The following TBC1D16 variants were observed in gnomAD, a reference collection of about 807,000 sequenced individuals.
TBC1D16 encodes CTD-2529O21.1.
A neutral mutation model predicts 74.7 loss-of-function variants in TBC1D16; 58 were observed. The observed-to-expected ratio is 0.78, with a 90% confidence interval of 0.63 to 0.97. The LOEUF (loss-of-function observed/expected upper bound fraction) is 0.97, where lower values mean the gene tolerates loss of function less well. Among genes scored for constraint, TBC1D16 ranks in the 50% least tolerant of loss-of-function variants. The pLI is 0.00. For missense variants in TBC1D16, 1,014 were observed against 1,079.5 expected, an observed-to-expected ratio of 0.94 and a Z score of 0.85; for synonymous variants, 493 against 474.7, an observed-to-expected ratio of 1.04 and a Z score of -0.50.
chr17:79,963,410 G>A (rs913914352), intron 3 of TBC1D16, among the ~76,000 whole-genome samples: 4 of 152,228 alleles, frequency 2.6e-5, no homozygotes, highest in South Asian at 2.1e-4. Context: ...ATGCCGTAGC[G>A]TGGGTCAGAA....
chr17:80,015,688 T>C (rs1304670104), intron 1 of TBC1D16, among the ~76,000 whole-genome samples: 2 of 152,050 alleles, frequency 1.3e-5, no homozygotes, highest in Non-Finnish European at 2.9e-5. Flanking sequence ...CCAAATGTGG[T>C]ACAGTGGAAT....
rs1680969503 is a variant in TBC1D16, at chr17:79,986,851, G to C, written c.779+23309C>G. ...GGGTGAACGAGAAGCCTGAGGCCGG[G>C]CCGGTGGGAGGGCGTGATGCATGGG... On this transcript the variant is annotated intron_variant, in intron 3 of 11. Transcript: ENST00000310924. This position sits in a 1 kb window ranked among gnomAD's most constrained non-coding sequence, Gnocchi z 6.0. Among the ~76,000 whole-genome samples, 1 of 152,252 alleles carries C rather than the reference G, an allele frequency of 6.6e-6. No individual in the cohort carries two copies. The highest frequency in any genetic ancestry group is 1.5e-5 in the Non-Finnish European group (1 of 68,044).
At position 79,950,972 on chromosome 17, in the gene TBC1D16, C is replaced by T; in HGVS notation, c.1090-394G>A. 1.1e-6 allele frequency: 1 copy of T among 923,668 alleles called. No homozygotes were observed. Among genetic ancestry groups the T allele is most frequent in the Non-Finnish European group, 1.6e-6 (1 of 640,004 alleles). 57.2% of individuals were successfully genotyped at this position (923,668 alleles called of 1,614,324 possible). A position where few individuals can be genotyped will look rare whatever the true frequency, so the allele number is the denominator to read the frequency against. ...GCAGGGAGCCAGCCTGTCAGATTGCCTCCGCGAGCAGTCACGAATCCAGGG... is the reference window on the plus strand; with the variant it reads ...GCAGGGAGCCAGCCTGTCAGATTGCTTCCGCGAGCAGTCACGAATCCAGGG... On this transcript the variant is annotated intron_variant, in intron 5 of 11. Coordinates refer to ENST00000310924, the MANE Select transcript of TBC1D16 (RefSeq NM_019020.4). This position sits in a 1 kb window ranked among gnomAD's most constrained non-coding sequence, Gnocchi z 4.6.
chr17:79,952,733 C>A lies in TBC1D16; in HGVS notation c.865G>T (p.Val289Leu). The A allele has an allele frequency of 6.2e-7, 1 of 1,612,330 alleles. No individual in the cohort carries two copies. Among genetic ancestry groups the A allele is most frequent in the Non-Finnish European group, 8.5e-7 (1 of 1,179,370 alleles). ...CCGCAAATCTGCTCCAGGGCGCACA[C>A]CCGCTGCGGCTCGTCCCAGCGTGGG... ...QTPRWDEPQR[V>L]CALEQICGVF... Residue 289 changes from valine (V) to leucine (L), a missense_variant, in exon 4 of 12, where the codon GTG becomes TTG. Physicochemically the swap from Val to Leu is conservative, Grantham distance 32. Transcript: ENST00000310924.
Position 79,987,954 on chromosome 17 carries a change from C to T in TBC1D16, c.779+22206G>A, listed in dbSNP as rs1376174832. Reference sequence around the variant, plus strand: ...CGGATTTTACGCCTGCATGAGATTTCGAGGGAAGAATCCTAAATGTGGGGA... The same window carrying T: ...CGGATTTTACGCCTGCATGAGATTTTGAGGGAAGAATCCTAAATGTGGGGA... On this transcript the variant is annotated intron_variant, in intron 3 of 11. Coordinates refer to ENST00000310924, the MANE Select transcript of TBC1D16 (RefSeq NM_019020.4). The surrounding 1 kb of genome is among the most constrained non-coding windows in gnomAD (Gnocchi z 5.2). 1.3e-5 allele frequency among the ~76,000 whole-genome samples: 2 copies of T among 151,650 alleles called. No individual in the cohort carries two copies. The highest frequency in any genetic ancestry group is 2.1e-4 in the South Asian group (1 of 4,808).
intron 3 of TBC1D16, among the ~76,000 whole-genome samples, chr17:79,962,201 ATTTTTT>A (rs563506473): frequency 9.8e-4 from 64 of 64,976 alleles, no homozygotes; most frequent in African/African-American, 3.5e-3. Flanking sequence ...ATCTCAACCT[ATTTTTT>A]TTTTTTTTTT....
rs1325572029 is a variant in TBC1D16, at chr17:79,952,231, C to CA, written c.941+425dup. 4 of 163,028 alleles carry CA rather than the reference C, an allele frequency of 2.5e-5. No homozygotes were observed. In the East Asian group the frequency reaches 7.1e-4, roughly 29 times the overall value. 10.1% of individuals were successfully genotyped at this position (163,028 alleles called of 1,614,324 possible). ...GAGGATCTGGTGTGGGGAATGACTG[C>CA]AGGAAACTAGGCATCGCCCACCCAT... On this transcript the variant is annotated intron_variant, in intron 4 of 11. Transcript: ENST00000310924.
intron 3 of TBC1D16, among the ~76,000 whole-genome samples, chr17:79,968,004 T>A (rs79927065): frequency 0.03 from 4,566 of 152,196 alleles, 82 homozygotes; most frequent in East Asian, 0.06. Context: ...CTTTAAAAAA[T>A]TTTTTTGAGA....
At chr17:79,953,498 A>C (rs2033180568) in intron 3 of TBC1D16, among the ~76,000 whole-genome samples, 1 of 152,220 alleles carries the variant, frequency 6.6e-6, no homozygotes. Context: ...CCCATTGTAA[A>C]GAAGAGGCAA....
At chr17:79,978,457 G>A (rs886502833) in intron 3 of TBC1D16, among the ~76,000 whole-genome samples, 1 of 152,226 alleles carries the variant, frequency 6.6e-6, no homozygotes, top group South Asian at 2.1e-4. Flanking sequence ...CCGTGGGGGC[G>A]GGGTGGGGGC....
rs1324573494 is a variant in TBC1D16 at position 79,988,917 on chromosome 17, G to A, written c.779+21243C>T. ...CCTCCCCAACCCGCACCTGCCCGCCGGCCCCAGGCCCTCCCTCAGGACCCA... is the reference window on the plus strand; with the variant it reads ...CCTCCCCAACCCGCACCTGCCCGCCAGCCCCAGGCCCTCCCTCAGGACCCA... On this transcript the variant is annotated intron_variant, in intron 3 of 11. Transcript: ENST00000310924. The surrounding 1 kb of genome is among the most constrained non-coding windows in gnomAD (Gnocchi z 5.7). 1.4e-4 allele frequency among the ~76,000 whole-genome samples: 21 copies of A among 152,130 alleles called. No individual in the cohort carries two copies. Among genetic ancestry groups the A allele is most frequent in the Non-Finnish European group, 2.8e-4 (19 of 68,024 alleles).
chr17:80,006,795 A>C (rs2035694866), intron 3 of TBC1D16, among the ~76,000 whole-genome samples: 1 of 151,784 alleles, frequency 6.6e-6, no homozygotes, highest in African/African-American at 2.4e-5. Context: ...AGTAGCTGGG[A>C]CCATAGGCAT....
Position 79,944,719 on chromosome 17 carries a change from T to C in TBC1D16, c.1908+189A>G, listed in dbSNP as rs1327780013. Among the ~76,000 whole-genome samples, 3 of 151,958 alleles carry C rather than the reference T, an allele frequency of 2.0e-5. No individual in the cohort carries two copies. Among genetic ancestry groups the C allele is most frequent in the Non-Finnish European group, 4.4e-5 (3 of 67,984 alleles). On this transcript the variant is annotated intron_variant, in intron 10 of 11. Coordinates refer to ENST00000310924, the MANE Select transcript of TBC1D16 (RefSeq NM_019020.4). This position sits in a 1 kb window ranked among gnomAD's most constrained non-coding sequence, Gnocchi z 7.7. ...AGCGGGCAATTTGCATCGATTTCAG[T>C]GACTGGGGAGGCGAGCTGTAAGGTC...
Position 80,035,716 on chromosome 17 carries a change from C to T in TBC1D16, c.-63+79G>A, listed in dbSNP as rs2143530200. ...GCCCCGCGCGCCCCCGCCCCAGCTC[C>T]GCCGAGGGGGCGCTGCTCGCTGCGC... On this transcript the variant is annotated intron_variant, in intron 1 of 11. Transcript: ENST00000310924. This position sits in a 1 kb window ranked among gnomAD's most constrained non-coding sequence, Gnocchi z 5.3. The T allele has an allele frequency of 6.8e-6, 1 of 147,906 alleles. No individual in the cohort carries two copies. Among genetic ancestry groups the T allele is most frequent in the Non-Finnish European group, 1.5e-5 (1 of 66,314 alleles). 9.2% of individuals were successfully genotyped at this position (147,906 alleles called of 1,614,324 possible).
chr17:79,948,094 T>C (rs768211115), intron 8 of TBC1D16, among the ~76,000 whole-genome samples: 1 of 152,192 alleles, frequency 6.6e-6, no homozygotes, highest in Non-Finnish European at 1.5e-5. Context: ...GCAGATCACC[T>C]GAGGTCAGGA....
chr17:80,016,857 C>G (rs1177904344), intron 1 of TBC1D16, among the ~76,000 whole-genome samples: 4 of 152,226 alleles, frequency 2.6e-5, no homozygotes, highest in Admixed American at 6.5e-5. Flanking sequence ...GATGTTCCAG[C>G]CAGCCCAGGA....
At chr17:79,953,849 C>A (rs2033202484) in intron 3 of TBC1D16, among the ~76,000 whole-genome samples, 1 of 151,742 alleles carries the variant, frequency 6.6e-6, no homozygotes, top group African/African-American at 2.4e-5. Context: ...CGGCTCACTG[C>A]CACTTCTGCC....
chr17:79,950,931 G>A lies in TBC1D16; in HGVS notation c.1090-353C>T, dbSNP rs2033005119. 7.7e-7 allele frequency: 1 copy of A among 1,306,458 alleles called. No individual in the cohort carries two copies. The highest frequency in any genetic ancestry group is 1.5e-5 in the African/African-American group (1 of 67,476). The allele number at this position is 1,306,458 out of a possible 1,614,324, so 80.9% of individuals were successfully genotyped here. A position where few individuals can be genotyped will look rare whatever the true frequency, so the allele number is the denominator to read the frequency against. On this transcript the variant is annotated intron_variant, in intron 5 of 11. Coordinates refer to ENST00000310924, the MANE Select transcript of TBC1D16 (RefSeq NM_019020.4). This position sits in a 1 kb window ranked among gnomAD's most constrained non-coding sequence, Gnocchi z 4.6. ...ACATGTGATTGGCCACATACAAAGG[G>A]ATCGCTGTTCTGCGAGCAGGGAGCC...
In TBC1D16 at chr17:79,983,045, CCT is replaced by C. The variant is rs1223054913; in HGVS notation, c.779+27113_779+27114del. Reference sequence around the variant, plus strand: ...TGTGTGCACACGCATCCACCCCGAGCCTCTGTGTGCAGAGCTCCAAGCACAGA... The same window carrying C: ...TGTGTGCACACGCATCCACCCCGAGCCTGTGTGCAGAGCTCCAAGCACAGA... On this transcript the variant is annotated intron_variant, in intron 3 of 11. Transcript: ENST00000310924. This position sits in a 1 kb window ranked among gnomAD's most constrained non-coding sequence, Gnocchi z 5.6. Among the ~76,000 whole-genome samples the C allele has an allele frequency of 1.3e-5, 2 of 152,230 alleles. No individual in the cohort carries two copies. Among genetic ancestry groups the C allele is most frequent in the Non-Finnish European group, 2.9e-5 (2 of 68,050 alleles).
Sources: allele counts gnomAD v4.1 joint callset (sites outside exome capture counted in the v4.1 genomes callset), GRCh38; gene constraint gnomAD v4.1.1; non-coding constraint Gnocchi (gnomAD v3.1); transcripts MANE v1.5; gene names NCBI Gene and HGNC (gene_info 2026-07-23, HGNC 2026-07-21).